Variants in SLC25A48 observed in about 807,000 individuals in gnomAD.
SLC25A48 encodes the protein solute carrier family 25 member 48.
In SLC25A48, 29 loss-of-function variants were observed where a neutral mutation model predicts 32.2. The observed-to-expected ratio is 0.90, with a 90% CI of 0.67 to 1.23. The LOEUF (loss-of-function observed/expected upper bound fraction) is 1.23, where lower values mean the gene tolerates loss of function less well. SLC25A48 is among the 50% of genes most tolerant of loss of function. SLC25A48 has a pLI of 0.00. For missense variants in SLC25A48, 399 were observed against 422.7 expected (o/e 0.94, Z 0.49); for synonymous variants, 164 against 172.3 (o/e 0.95, Z 0.38).
At chr5:135,680,455 C>T (rs898648772) in intron 3 of SLC25A48, among the ~76,000 whole-genome samples, 5 of 152,116 alleles carry the variant, frequency 3.3e-5, no homozygotes, top group African/African-American at 7.2e-5. Context: ...AGATAATTTT[C>T]AGTCATGTTT....
chr5:135,620,891 G>T (rs1426409422), intron 1 of SLC25A48, among the ~76,000 whole-genome samples: 1 of 152,164 alleles, frequency 6.6e-6, no homozygotes, highest in Non-Finnish European at 1.5e-5. Flanking sequence ...AATCTGGACT[G>T]CTGGAGATCT....
intron 1 of SLC25A48, among the ~76,000 whole-genome samples, chr5:135,626,086 G>T (rs935264370): frequency 6.6e-6 from 1 of 152,256 alleles, no homozygotes; most frequent in Non-Finnish European, 1.5e-5. Context: ...AATGGGGTAG[G>T]ACAGGGGTCA....
intron 1 of SLC25A48, among the ~76,000 whole-genome samples, chr5:135,620,486 G>A (rs1035913096): frequency 2.0e-5 from 3 of 152,126 alleles, no homozygotes; most frequent in Non-Finnish European, 4.4e-5. Flanking sequence ...GAGCAGGGTT[G>A]CTTTTTCTGG....
chr5:135,736,452 G>A (rs373788816), intron 3 of SLC25A48, among the ~76,000 whole-genome samples: 13 of 152,234 alleles, frequency 8.5e-5, no homozygotes, highest in Admixed American at 5.2e-4. Context: ...CACAGGCTAA[G>A]GGAGAAGAGG....
At chr5:135,652,448 G>A (rs1158171690) in intron 3 of SLC25A48, 2 of 455,980 alleles carry the variant, frequency 4.4e-6, no homozygotes, top group Non-Finnish European at 8.8e-6. Context: ...CGTTGCTTCT[G>A]ATCCAAGAAC....
intron 3 of SLC25A48, among the ~76,000 whole-genome samples, chr5:135,716,927 C>T (rs1754814258): frequency 6.6e-6 from 1 of 152,176 alleles, no homozygotes. Flanking sequence ...CACTCCTTCC[C>T]ATAAAATTTT....
At chr5:135,757,649 A>C (rs993434419) in intron 3 of SLC25A48, among the ~76,000 whole-genome samples, 1 of 149,732 alleles carries the variant, frequency 6.7e-6, no homozygotes, top group African/African-American at 2.4e-5. Context: ...AAAAACATCT[A>C]GATGATATTT....
At chr5:135,633,516 C>A (rs1208857276) in intron 2 of SLC25A48, among the ~76,000 whole-genome samples, 1 of 151,942 alleles carries the variant, frequency 6.6e-6, no homozygotes, top group African/African-American at 2.4e-5. Flanking sequence ...AGGCAGCCAC[C>A]TGCAAGCCAG....
chr5:135,640,299 G>A (rs1246948529), intron 3 of SLC25A48, among the ~76,000 whole-genome samples: 1 of 152,142 alleles, frequency 6.6e-6, no homozygotes, highest in African/African-American at 2.4e-5. Flanking sequence ...TCTAACATAT[G>A]AGTAATTGGA....
At chr5:135,860,055 G>A (rs1760660581) in intron 4 of SLC25A48, among the ~76,000 whole-genome samples, 1 of 152,148 alleles carries the variant, frequency 6.6e-6, no homozygotes, top group Non-Finnish European at 1.5e-5. Context: ...TTTTAGGGAA[G>A]GGCGATTATC....
At chr5:135,887,814 G>A (rs1188276196) in intron 7 of SLC25A48, among the ~76,000 whole-genome samples, 1 of 152,138 alleles carries the variant, frequency 6.6e-6, no homozygotes, top group Non-Finnish European at 1.5e-5. Context: ...CTGTGCTCTT[G>A]CAGGCAGCAG....
intron 1 of SLC25A48, among the ~76,000 whole-genome samples, chr5:135,596,604 TG>T (rs1331379662): frequency 6.6e-6 from 1 of 152,098 alleles, no homozygotes; most frequent in East Asian, 1.9e-4. Context: ...TGAGCAGAGG[TG>T]CTCAGTTGTC....
intron 3 of SLC25A48, among the ~76,000 whole-genome samples, chr5:135,661,723 T>C (rs546723668): frequency 2.0e-5 from 3 of 152,336 alleles, no homozygotes; most frequent in African/African-American, 7.2e-5. Flanking sequence ...TAATGAATCA[T>C]ACTATGCACA....
rs576439609 is a variant in SLC25A48 at position 135,579,879 on chromosome 5, G to A, written c.-849+282G>A. 9.8e-5 allele frequency among the ~76,000 whole-genome samples: 15 copies of A among 152,302 alleles called. No individual in the cohort carries two copies. In the South Asian group the frequency reaches 2.7e-3, roughly 27 times the overall value. ...TAGTGGTGTGAGCCCAGCCATAGTGGCAGAAATTCCCTCCTCACTACTTTC... is the reference window on the plus strand; with the variant it reads ...TAGTGGTGTGAGCCCAGCCATAGTGACAGAAATTCCCTCCTCACTACTTTC... On this transcript the variant is annotated intron_variant, in intron 1 of 10. Transcript: ENST00000646290.
chr5:135,675,595 G>A (rs1031127371), intron 3 of SLC25A48, among the ~76,000 whole-genome samples: 1 of 151,964 alleles, frequency 6.6e-6, no homozygotes, highest in Non-Finnish European at 1.5e-5. Flanking sequence ...TGCTGTTTTG[G>A]TTACTATAAT....
At chr5:135,678,019 A>G (rs1019781876) in intron 3 of SLC25A48, among the ~76,000 whole-genome samples, 1 of 152,156 alleles carries the variant, frequency 6.6e-6, no homozygotes, top group African/African-American at 2.4e-5. Flanking sequence ...CATTGTATCT[A>G]TTTAGGGGTC....
intron 1 of SLC25A48, among the ~76,000 whole-genome samples, chr5:135,619,600 A>T (rs1848473): frequency 0.49 from 74,332 of 151,908 alleles, 18,584 homozygotes; most frequent in African/African-American, 0.6. Context: ...AGATATGGTG[A>T]CATGGTGTCA....
At chr5:135,748,105 A>T (rs1430918152) in intron 3 of SLC25A48, among the ~76,000 whole-genome samples, 1 of 152,204 alleles carries the variant, frequency 6.6e-6, no homozygotes, top group East Asian at 1.9e-4. Flanking sequence ...TGGAGAGCAG[A>T]GAGGAAGTCA....
At chr5:135,880,418 T>TGCAAGTGACCCAGGCTC (rs1762381145) in intron 7 of SLC25A48, among the ~76,000 whole-genome samples, 2 of 152,124 alleles carry the variant, frequency 1.3e-5, no homozygotes, top group South Asian at 4.2e-4. Context: ...ACTGTGCAGA[T>TGCAAGTGACCCAGGCTC]GCAAGTGACC....
Sources: gnomAD v4.1 joint callset for allele counts (sites outside exome capture counted in the v4.1 genomes callset) on GRCh38, gnomAD v4.1.1 for gene constraint, MANE v1.5 for transcripts, NCBI Gene and HGNC (gene_info 2026-07-23, HGNC 2026-07-21) for gene names.